Variants in CABP1 observed in about 807,000 individuals in gnomAD.
The protein encoded by CABP1 is calcium-binding protein 1.
Under a neutral mutation model 34.3 loss-of-function variants are expected in CABP1, and 17 were observed. The ratio of observed to expected loss-of-function variants is 0.50; its 90% CI spans 0.34 to 0.74. CABP1 has a LOEUF of 0.74. CABP1 is among the 30% of genes least tolerant of loss of function. The pLI, the probability that CABP1 is intolerant of heterozygous loss-of-function variation, is 0.01. For synonymous variants in CABP1, 198 were observed against 229.2 expected (o/e 0.86, Z 1.23); for missense variants, 373 against 511.1 (o/e 0.73, Z 2.61).
At chr12:120,672,229 G>A (rs748751608), downstream of CABP1, among the ~76,000 whole-genome samples, 47 of 152,130 alleles carry the variant, frequency 3.1e-4, no homozygotes, top group Non-Finnish European at 5.9e-5. Flanking sequence ...AGAGAAACAT[G>A]TTGAGCTGTA....
chr12:120,648,377 C>T (rs1321049525), intron 1 of CABP1, among the ~76,000 whole-genome samples: 3 of 152,188 alleles, frequency 2.0e-5, no homozygotes, highest in Non-Finnish European at 4.4e-5. Context: ...TTTCTCTTAT[C>T]CCCCAACAAC....
chr12:120,670,267 T>G (rs1421339554), downstream of CABP1, among the ~76,000 whole-genome samples: 4 of 152,168 alleles, frequency 2.6e-5, no homozygotes, highest in African/African-American at 9.7e-5. Flanking sequence ...AGTGCTGGGA[T>G]TACAGGCGTG....
chr12:120,664,407 T>A (rs1295567273), intron 5 of CABP1, among the ~76,000 whole-genome samples: 1 of 152,194 alleles, frequency 6.6e-6, no homozygotes, highest in Non-Finnish European at 1.5e-5. Context: ...GAAGGGCAGG[T>A]ATTTACCCAA....
intron 1 of CABP1, among the ~76,000 whole-genome samples, chr12:120,648,291 T>C (rs900925166): frequency 6.6e-6 from 1 of 152,186 alleles, no homozygotes; most frequent in African/African-American, 2.4e-5. Context: ...TGAAATGTAA[T>C]CAGATAACTG....
In CABP1 at chr12:120,660,386, G is replaced by A. The variant is rs1299573939; in HGVS notation, c.829+47G>A. 6.3e-7 allele frequency: 1 copy of A among 1,582,694 alleles called. No homozygotes were observed. The highest frequency in any genetic ancestry group is 8.6e-7 in the Non-Finnish European group (1 of 1,165,174). ...CTGCGTCCCTTCGGTCCTCACCCTT[G>A]CCGTCCTCTGCAGTCAGACAGGACT... On this transcript the variant is annotated intron_variant, in intron 3 of 5. Coordinates refer to ENST00000316803, the MANE Select transcript of CABP1 (RefSeq NM_001033677.2). The surrounding 1 kb of genome is among the most constrained non-coding windows in gnomAD (Gnocchi z 5.0).
downstream of CABP1, among the ~76,000 whole-genome samples, chr12:120,668,491 C>T (rs757493570): frequency 6.6e-6 from 1 of 152,172 alleles, no homozygotes; most frequent in African/African-American, 2.4e-5. Flanking sequence ...CTGCCATCCT[C>T]TCTGCTGAGT....
Position 120,660,678 on chromosome 12 carries a change from G to C in CABP1, c.830-53G>C, listed in dbSNP as rs563178178. On this transcript the variant is annotated intron_variant, in intron 3 of 5. Coordinates refer to ENST00000316803, the MANE Select transcript of CABP1 (RefSeq NM_001033677.2). The surrounding 1 kb of genome is among the most constrained non-coding windows in gnomAD (Gnocchi z 5.0). ...GTCCATTCTGTCAGTTGTCTAGTTGGAGACAGGGAATGGGTATGTCGGGGA... is the reference window on the plus strand; with the variant it reads ...GTCCATTCTGTCAGTTGTCTAGTTGCAGACAGGGAATGGGTATGTCGGGGA... 5.7e-6 allele frequency: 7 copies of C among 1,231,116 alleles called. 1 individual carries two copies. The African/African-American group carries it at 1.0e-4, about 18-fold the overall frequency. 76.3% of individuals were successfully genotyped at this position (1,231,116 alleles called of 1,614,324 possible).
At position 120,647,560 on chromosome 12, in the gene CABP1, C is replaced by CTTTT. The variant is rs10557275; in HGVS notation, c.654+6243_654+6246dup. On this transcript the variant is annotated intron_variant, in intron 1 of 5. Transcript: ENST00000316803. ...GTCAGCGTGACTCCTCAGTCCAAGC[C>CTTTT]TTTTTTTTTTTTTTTTTTTTTTTTT... Among the ~76,000 whole-genome samples, 41 of 75,666 alleles carry CTTTT rather than the reference C, an allele frequency of 5.4e-4. 2 individuals are homozygous for CTTTT. The highest frequency in any genetic ancestry group is 9.9e-4 in the South Asian group (2 of 2,024). The allele number at this position is 75,666 out of a possible 152,430, so 49.6% of individuals were successfully genotyped here. A position where few individuals can be genotyped will look rare whatever the true frequency, so the allele number is the denominator to read the frequency against.
At chr12:120,657,960 G>C (rs1018666247) in intron 1 of CABP1, among the ~76,000 whole-genome samples, 1 of 152,128 alleles carries the variant, frequency 6.6e-6, no homozygotes, top group South Asian at 2.1e-4. Context: ...TTACTCACTC[G>C]CTTTCACAGA....
chr12:120,679,091 A>AAC, the CABP1 span, among the ~76,000 whole-genome samples: 1,371 of 151,180 alleles, frequency 9.1e-3, 23 homozygotes, highest in African/African-American at 0.032. Flanking sequence ...AAAAAAAAAA[A>AAC]AACCAACTTT....
chr12:120,641,135 G>A lies in CABP1; in HGVS notation c.450G>A (p.Pro150=). Reference sequence around the variant, plus strand: ...ACTGCAGGCCCCGGGAGGCGCTGCCGGCCGCGGCGTCCCGACCTTCGCCGT... The same window carrying A: ...ACTGCAGGCCCCGGGAGGCGCTGCCAGCCGCGGCGTCCCGACCTTCGCCGT... ...QAHCRPREAL[P]AAASRPSPSS... is the part of the protein sequence containing the mutation. The change falls in exon 1 of 6, where the codon CCG becomes CCA. Residue 150 remains proline (P), a synonymous_variant. Transcript: ENST00000316803. The surrounding 1 kb of genome is among the most constrained non-coding windows in gnomAD (Gnocchi z 6.7). 1 of 1,232,228 alleles carries A rather than the reference G, an allele frequency of 8.1e-7. No individual in the cohort carries two copies. Among genetic ancestry groups the A allele is most frequent in the Non-Finnish European group, 1.0e-6 (1 of 989,826 alleles). 76.3% of individuals were successfully genotyped at this position (1,232,228 alleles called of 1,614,324 possible).
At chr12:120,656,170 G>A (rs762837474) in intron 1 of CABP1, 54 of 1,613,690 alleles carry the variant, frequency 3.3e-5, no homozygotes, top group Non-Finnish European at 3.4e-5. Flanking sequence ...CCGAGCTCCC[G>A]GGACCGCTCC....
At chr12:120,646,294 T>C (rs933702576) in intron 1 of CABP1, among the ~76,000 whole-genome samples, 30 of 152,204 alleles carry the variant, frequency 2.0e-4, no homozygotes, top group African/African-American at 6.8e-4. Flanking sequence ...ATGCTGGTGA[T>C]AGAACTGACC....
At chr12:120,676,816 T>C in the CABP1 span, among the ~76,000 whole-genome samples, 1 of 152,196 alleles carries the variant, frequency 6.6e-6, no homozygotes, top group Admixed American at 6.5e-5. Flanking sequence ...GTGAGGAAAC[T>C]TAGGTTCAGA....
At position 120,660,921 on chromosome 12, in the gene CABP1, C is replaced by G. The variant is rs547631579; in HGVS notation, c.939+81C>G. 2 of 1,391,196 alleles carry G rather than the reference C, an allele frequency of 1.4e-6. No homozygotes were observed. The highest frequency in any genetic ancestry group is 2.4e-5 in the South Asian group (2 of 84,136). The allele number at this position is 1,391,196 out of a possible 1,614,324, so 86.2% of individuals were successfully genotyped here. ...TAAATACTTCAAAAGAAGCCTGAGC[C>G]TCAAGTCCCAGATCAGGGGAGGGAG... On this transcript the variant is annotated intron_variant, in intron 4 of 5. Coordinates refer to ENST00000316803, the MANE Select transcript of CABP1 (RefSeq NM_001033677.2). This position sits in a 1 kb window ranked among gnomAD's most constrained non-coding sequence, Gnocchi z 5.0.
Position 120,665,750 on chromosome 12 carries a change from G to T in CABP1, c.1088-1125G>T, listed in dbSNP as rs540231424. On this transcript the variant is annotated intron_variant, in intron 5 of 5. Coordinates refer to ENST00000316803, the MANE Select transcript of CABP1 (RefSeq NM_001033677.2). ...AAAAAGAGAGAGAGAGGCCCGGCGCGGTGGCTCACGCCTGTAATCCCAGCA... is the reference window on the plus strand; with the variant it reads ...AAAAAGAGAGAGAGAGGCCCGGCGCTGTGGCTCACGCCTGTAATCCCAGCA... Among the ~76,000 whole-genome samples, 6 of 152,108 alleles carry T rather than the reference G, an allele frequency of 3.9e-5. 1 individual carries two copies. Among genetic ancestry groups the T allele is most frequent in the African/African-American group, 1.4e-4 (6 of 41,488 alleles).
the CABP1 span, among the ~76,000 whole-genome samples, chr12:120,676,101 C>T: frequency 6.6e-6 from 1 of 151,972 alleles, no homozygotes; most frequent in African/African-American, 2.4e-5. Context: ...AGCCTTGATT[C>T]CTAGTCTCAT....
chr12:120,656,105 G>A (rs765164207), intron 1 of CABP1: 1 of 1,614,210 alleles, frequency 6.2e-7, no homozygotes, highest in Admixed American at 1.7e-5. Context: ...GTGCCAGGAG[G>A]AACAGACCAG....
chr12:120,666,768 G>T, intron 5 of CABP1, 107 bp from the exon 6 acceptor site: 2 of 1,219,116 alleles, frequency 1.6e-6, no homozygotes, highest in African/African-American at 3.0e-5. Flanking sequence ...ATGGATGGGG[G>T]ACCAGCACAG....
Sources: gnomAD v4.1 joint callset for allele counts (sites outside exome capture counted in the v4.1 genomes callset) on GRCh38, gnomAD v4.1.1 for gene constraint, Gnocchi (gnomAD v3.1) non-coding constraint, MANE v1.5 for transcripts, NCBI Gene and HGNC (gene_info 2026-07-23, HGNC 2026-07-21) for gene names.